SEMA5B: variants seen among roughly 807,000 people sequenced by gnomAD.
SEMA5B encodes semaphorin 5B, also known as semaphorin-5B.
Under a neutral mutation model 135.0 loss-of-function variants are expected in SEMA5B, and 66 were observed. That is an observed-to-expected ratio of 0.49 (90% confidence interval 0.40 to 0.60). The LOEUF (loss-of-function observed/expected upper bound fraction) is 0.60. SEMA5B is among the 20% of genes least tolerant of loss of function. The pLI is 0.00. For missense variants in SEMA5B, 1,501 were observed against 1,566.3 expected (o/e 0.96, Z 0.70); for synonymous variants, 690 against 639.5 (o/e 1.08, Z -1.19).
intron 2 of SEMA5B, among the ~76,000 whole-genome samples, chr3:122,950,776 TA>T (rs1940010692): frequency 6.6e-6 from 1 of 152,212 alleles, no homozygotes. Context: ...CAAAGTGACT[TA>T]CGAATGAGAT....
chr3:122,913,193 G>A lies in SEMA5B; in HGVS notation c.2506+6C>T, dbSNP rs979902299. 6 of 1,557,848 alleles carry A rather than the reference G, an allele frequency of 3.9e-6. No individual in the cohort carries two copies. Among genetic ancestry groups the A allele is most frequent in the Non-Finnish European group, 5.2e-6 (6 of 1,161,946 alleles). On this transcript the variant is annotated splice_donor_region_variant and intron_variant, in intron 17 of 22. Transcript: ENST00000357599. ...GAGGAAGGAGGGGGCGCCGGGCGCG[G>A]GGTACCGTCGGTGTCGCAGGAGCCG...
intron 2 of SEMA5B, among the ~76,000 whole-genome samples, chr3:122,957,312 T>C (rs751733631): frequency 2.0e-5 from 3 of 152,220 alleles, no homozygotes; most frequent in Non-Finnish European, 4.4e-5. Context: ...GCACCCAGAA[T>C]GCAGCTGGAT....
chr3:122,920,960 G>A (rs1938318472), intron 12 of SEMA5B, among the ~76,000 whole-genome samples: 2 of 152,204 alleles, frequency 1.3e-5, no homozygotes, highest in African/African-American at 4.8e-5. Flanking sequence ...CTTGTGTTGG[G>A]GCTGAAGGGA....
intron 1 of SEMA5B, among the ~76,000 whole-genome samples, chr3:123,018,650 A>T (rs1942612335): frequency 6.6e-6 from 1 of 152,168 alleles, no homozygotes; most frequent in South Asian, 2.1e-4. Flanking sequence ...AAGCCTATGC[A>T]CAATTAAACC....
At chr3:122,917,957 G>C (rs961398663) in intron 12 of SEMA5B, among the ~76,000 whole-genome samples, 6 of 152,124 alleles carry the variant, frequency 3.9e-5, no homozygotes, top group Non-Finnish European at 7.3e-5. Context: ...CTTACTGGCT[G>C]ACATTGGGAT....
At chr3:122,945,332 G>A (rs988394419) in intron 3 of SEMA5B, among the ~76,000 whole-genome samples, 2 of 152,186 alleles carry the variant, frequency 1.3e-5, no homozygotes, top group African/African-American at 2.4e-5. Flanking sequence ...GGGCAATATA[G>A]GATAAGAAGT....
chr3:122,938,877 A>T (rs1939425336), intron 5 of SEMA5B, among the ~76,000 whole-genome samples: 1 of 152,218 alleles, frequency 6.6e-6, no homozygotes, highest in South Asian at 2.1e-4. Flanking sequence ...GCACTTAGGG[A>T]ATTATGCTTG....
intron 1 of SEMA5B, among the ~76,000 whole-genome samples, chr3:122,974,522 G>C (rs1941243847): frequency 6.6e-6 from 1 of 152,234 alleles, no homozygotes; most frequent in Non-Finnish European, 1.5e-5. Context: ...TTCTGGGTTT[G>C]GGTATATGGG....
intron 5 of SEMA5B, 102 bp from the exon 6 acceptor site, chr3:122,929,160 A>C (rs1290435511): frequency 8.7e-7 from 1 of 1,154,062 alleles, no homozygotes; most frequent in African/African-American, 1.5e-5. Context: ...GTGGACATGA[A>C]GCTGTGAAGG....
intron 1 of SEMA5B, among the ~76,000 whole-genome samples, chr3:122,965,993 G>C (rs1940800256): frequency 1.3e-5 from 2 of 152,162 alleles, no homozygotes; most frequent in South Asian, 4.1e-4. Context: ...GCCACTTCTT[G>C]GCACAGGTGG....
chr3:122,953,645 A>G (rs1940155579), intron 2 of SEMA5B, among the ~76,000 whole-genome samples: 1 of 152,218 alleles, frequency 6.6e-6, no homozygotes, highest in South Asian at 2.1e-4. Context: ...CAGGTGAGGC[A>G]AGAGCAAGGA....
intron 1 of SEMA5B, among the ~76,000 whole-genome samples, chr3:123,025,325 G>A (rs1942773383): frequency 1.3e-5 from 2 of 152,098 alleles, no homozygotes; most frequent in East Asian, 3.9e-4. Flanking sequence ...CAGGCACCTT[G>A]CTGCCTGTAC....
rs1385191062 is a variant in SEMA5B, at chr3:122,915,360, C to T, written c.1988+80G>A. On this transcript the variant is annotated intron_variant, in intron 14 of 22. Coordinates refer to ENST00000357599, the MANE Select transcript of SEMA5B (RefSeq NM_001031702.4). ...GGTTTCTGTCCCTTAGTGCAAACAC[C>T]CAAGTGAGGGGTCCCCGTTTCCCTA... 12 of 1,416,666 alleles carry T rather than the reference C, an allele frequency of 8.5e-6. No individual in the cohort carries two copies. In the Admixed American group the frequency reaches 1.6e-4, roughly 19 times the overall value. The allele number at this position is 1,416,666 out of a possible 1,614,324, so 87.8% of individuals were successfully genotyped here.
At chr3:122,994,004 C>G (rs1361168738) in intron 1 of SEMA5B, among the ~76,000 whole-genome samples, 1 of 152,098 alleles carries the variant, frequency 6.6e-6, no homozygotes, top group African/African-American at 2.4e-5. Flanking sequence ...AGCCTCTCCC[C>G]ACCTGGCCCC....
intron 2 of SEMA5B, among the ~76,000 whole-genome samples, chr3:122,957,885 C>T (rs948014409): frequency 1.1e-4 from 17 of 152,226 alleles, no homozygotes; most frequent in African/African-American, 3.4e-4. Flanking sequence ...AGCCCTGGCT[C>T]CAAGTGCTCT....
At chr3:123,005,754 A>T (rs191487068) in intron 1 of SEMA5B, among the ~76,000 whole-genome samples, 1 of 152,276 alleles carries the variant, frequency 6.6e-6, no homozygotes, top group East Asian at 1.9e-4. Context: ...TTTTCCAGGC[A>T]ATGGAGAGAG....
At chr3:123,022,289 T>C (rs1482710416) in intron 1 of SEMA5B, among the ~76,000 whole-genome samples, 1 of 152,216 alleles carries the variant, frequency 6.6e-6, no homozygotes, top group Non-Finnish European at 1.5e-5. Flanking sequence ...AGTACCAACC[T>C]TTCCCATCAC....
At chr3:122,959,890 A>C (rs1940499350) in intron 2 of SEMA5B, among the ~76,000 whole-genome samples, 1 of 152,172 alleles carries the variant, frequency 6.6e-6, no homozygotes, top group South Asian at 2.1e-4. Flanking sequence ...GTAATGTTTT[A>C]TTGTTTTTGC....
intron 5 of SEMA5B, among the ~76,000 whole-genome samples, chr3:122,931,766 A>G (rs900813260): frequency 6.6e-6 from 1 of 152,220 alleles, no homozygotes; most frequent in Admixed American, 6.5e-5. Flanking sequence ...CTTCCATGCC[A>G]TTGACATCAT....
Sources: gnomAD v4.1 joint callset for allele counts (sites outside exome capture counted in the v4.1 genomes callset) on GRCh38, gnomAD v4.1.1 for gene constraint, MANE v1.5 for transcripts, NCBI Gene and HGNC (gene_info 2026-07-23, HGNC 2026-07-21) for gene names.